Variants in SNTG2 observed in about 807,000 individuals in gnomAD.
The protein encoded by SNTG2 is gamma-2-syntrophin.
A neutral mutation model predicts 70.9 loss-of-function variants in SNTG2; 74 were observed. The ratio of observed to expected loss-of-function variants is 1.04; its 90% CI spans 0.86 to 1.27. SNTG2 has a LOEUF of 1.27. Among genes scored for constraint, SNTG2 ranks in the 50% most tolerant of loss-of-function variants. The pLI, the probability that SNTG2 is intolerant of heterozygous loss-of-function variation, is 0.00. For synonymous variants in SNTG2, 278 were observed against 273.8 expected, an observed-to-expected ratio of 1.02 and a Z score of -0.15; for missense variants, 717 against 690.7, an observed-to-expected ratio of 1.04 and a Z score of -0.43.
intron 1 of SNTG2, among the ~76,000 whole-genome samples, chr2:1,014,862 A>G (rs916892415): frequency 2.0e-5 from 3 of 150,144 alleles, no homozygotes; most frequent in African/African-American, 7.4e-5. Flanking sequence ...ATGAATCTCG[A>G]GGTTTGGTGC....
intron 1 of SNTG2, among the ~76,000 whole-genome samples, chr2:1,027,832 C>T (rs1171190427): frequency 1.4e-4 from 18 of 129,368 alleles, no homozygotes; most frequent in South Asian, 2.8e-4. Context: ...AGGTGCATCA[C>T]TGAAGGTGCG....
At chr2:1,181,598 T>G (rs1572665483) in intron 8 of SNTG2, among the ~76,000 whole-genome samples, 1 of 152,202 alleles carries the variant, frequency 6.6e-6, no homozygotes, top group South Asian at 2.1e-4. Context: ...AGAGGTAGGG[T>G]AGGTGGTGTG....
chr2:1,265,381 TACAC>T (rs1558613601), intron 13 of SNTG2, among the ~76,000 whole-genome samples: 1 of 152,206 alleles, frequency 6.6e-6, no homozygotes, highest in Non-Finnish European at 1.5e-5. Flanking sequence ...TTTCCACACA[TACAC>T]ATGTTCATGT....
chr2:1,247,453 CT>C lies in SNTG2; in HGVS notation c.1005+14del. On this transcript the variant is annotated intron_variant, in intron 12 of 16. Coordinates refer to ENST00000308624, the MANE Select transcript of SNTG2 (RefSeq NM_018968.4). ...TTTCAGCACTCCTCCGGTAAGGATG[CT>C]TTTGACACTCCACAGGGAGGGGCTG... 6.4e-7 allele frequency: 1 copy of C among 1,571,434 alleles called. No homozygotes were observed. The highest frequency in any genetic ancestry group is 1.1e-5 in the South Asian group (1 of 90,118).
chr2:1,324,166 G>A (rs554839798), intron 16 of SNTG2, among the ~76,000 whole-genome samples: 1 of 152,324 alleles, frequency 6.6e-6, no homozygotes, highest in Non-Finnish European at 1.5e-5. Flanking sequence ...CTGAGAGTTG[G>A]CTAACAGTCA....
intron 4 of SNTG2, among the ~76,000 whole-genome samples, chr2:1,099,701 G>T (rs1224579924): frequency 6.6e-6 from 1 of 152,232 alleles, no homozygotes; most frequent in African/African-American, 2.4e-5. Context: ...GGCAGTCATG[G>T]TCAGGTCAGC....
At chr2:1,115,077 G>A (rs4971381) in intron 4 of SNTG2, among the ~76,000 whole-genome samples, 76,423 of 143,912 alleles carry the variant, frequency 0.53, 19,450 homozygotes, top group East Asian at 0.6. Flanking sequence ...GTACTAAGTG[G>A]GGTTTAACCC....
At chr2:1,240,214 G>T (rs1676957490) in intron 11 of SNTG2, among the ~76,000 whole-genome samples, 1 of 152,190 alleles carries the variant, frequency 6.6e-6, no homozygotes, top group African/African-American at 2.4e-5. Context: ...CCCAGTGGGT[G>T]TTATTGCCAG....
chr2:1,308,760 C>G (rs1015983631), intron 15 of SNTG2, among the ~76,000 whole-genome samples, 174 bp downstream of exon 15: 4 of 152,030 alleles, frequency 2.6e-5, no homozygotes, highest in Non-Finnish European at 4.4e-5. Context: ...GCCCCAGGAT[C>G]GCCACAAGCC....
intron 4 of SNTG2, 60 bp from the exon 5 acceptor site, chr2:1,137,562 A>G (rs903354837): frequency 8.9e-6 from 14 of 1,578,378 alleles, no homozygotes; most frequent in Non-Finnish European, 1.1e-5. Context: ...AATGACTGTC[A>G]TAACAAAGCA....
At chr2:1,309,334 T>C (rs1203099573) in intron 15 of SNTG2, among the ~76,000 whole-genome samples, 1 of 152,248 alleles carries the variant, frequency 6.6e-6, no homozygotes, top group African/African-American at 2.4e-5. Context: ...TGCAGTGAAT[T>C]GGTCATTGAA....
At chr2:1,197,677 G>A (rs1216749496) in intron 8 of SNTG2, among the ~76,000 whole-genome samples, 1 of 151,618 alleles carries the variant, frequency 6.6e-6, no homozygotes, top group Non-Finnish European at 1.5e-5. Context: ...TGGGATTACA[G>A]GCATGCATCA....
intron 9 of SNTG2, among the ~76,000 whole-genome samples, chr2:1,230,015 G>C (rs966129717): frequency 3.3e-5 from 5 of 152,212 alleles, no homozygotes; most frequent in African/African-American, 1.2e-4. Context: ...GTGGACTCCA[G>C]CCTTGGCCAG....
chr2:1,095,011 A>G lies in SNTG2; in HGVS notation c.211-3185A>G, dbSNP rs372941060. On this transcript the variant is annotated intron_variant, in intron 2 of 16. Transcript: ENST00000308624. The stretch of plus-strand genomic sequence containing the variant: ...GGGCCAGCTTCCTGGCCTGCAGGCA[A>G]AGGCCTTATATGTGTGTCCTCACAT... 1.2e-4 allele frequency among the ~76,000 whole-genome samples: 18 copies of G among 149,956 alleles called. No individual in the cohort carries two copies. The East Asian group carries it at 3.4e-3, about 29-fold the overall frequency.
chr2:1,353,076 C>G lies in SNTG2; in HGVS notation c.1489-14267C>G, dbSNP rs1187728020. Among the ~76,000 whole-genome samples the G allele has an allele frequency of 6.6e-6, 1 of 152,132 alleles. No individual in the cohort carries two copies. Among genetic ancestry groups the G allele is most frequent in the African/African-American group, 2.4e-5 (1 of 41,418 alleles). Reference sequence around the variant, plus strand: ...GTCTGGCTCACCCCCACCCAGAAATCCACATGGTGCATTTTCGGAAAACTT... The same window carrying G: ...GTCTGGCTCACCCCCACCCAGAAATGCACATGGTGCATTTTCGGAAAACTT... On this transcript the variant is annotated intron_variant, in intron 16 of 16. Transcript: ENST00000308624. The surrounding 1 kb of genome is among the most constrained non-coding windows in gnomAD (Gnocchi z 4.2).
rs75887648 is a variant in SNTG2, at chr2:953,770, T to C, written c.72+2702T>C. 2.1e-3 allele frequency among the ~76,000 whole-genome samples: 321 copies of C among 152,332 alleles called. 2 individuals are homozygous for C. Among genetic ancestry groups the C allele is most frequent in the African/African-American group, 7.5e-3 (313 of 41,572 alleles). On this transcript the variant is annotated intron_variant, in intron 1 of 16. Transcript: ENST00000308624. ...AATTAAGAAAAGTGTGCCTTGTTTT[T>C]GTTTTTGTTTTTTTCCAACATGGGA... is the stretch of plus-strand genomic sequence containing the variant.
chr2:1,329,138 C>T (rs1572989904), intron 16 of SNTG2, among the ~76,000 whole-genome samples: 1 of 151,914 alleles, frequency 6.6e-6, no homozygotes, highest in Non-Finnish European at 1.5e-5. Context: ...AGAAGTGGGA[C>T]ATATTTGTTT....
intron 13 of SNTG2, among the ~76,000 whole-genome samples, chr2:1,263,762 C>T (rs987740314): frequency 2.6e-5 from 4 of 152,286 alleles, no homozygotes; most frequent in Non-Finnish European, 5.9e-5. Context: ...GCATGCTGGC[C>T]ACTCTGTCAT....
chr2:1,158,838 G>A (rs1254956464), intron 6 of SNTG2, among the ~76,000 whole-genome samples: 3 of 152,178 alleles, frequency 2.0e-5, no homozygotes, highest in Admixed American at 6.5e-5. Flanking sequence ...TGTGCAGGAA[G>A]GCTTTACGGA....
Sources: allele counts gnomAD v4.1 joint callset (sites outside exome capture counted in the v4.1 genomes callset), GRCh38; gene constraint gnomAD v4.1.1; non-coding constraint Gnocchi (gnomAD v3.1); transcripts MANE v1.5; gene names NCBI Gene and HGNC (gene_info 2026-07-23, HGNC 2026-07-21).